RTN1: variants seen among roughly 807,000 people sequenced by gnomAD.
RTN1 encodes the protein reticulon-1.
A neutral mutation model predicts 65.5 loss-of-function variants in RTN1; 25 were observed. That is an observed-to-expected ratio of 0.38 (90% confidence interval 0.28 to 0.53). RTN1 has a LOEUF of 0.53. Ranked by LOEUF, RTN1 falls within the 20% of genes least tolerant of loss-of-function variation. The probability of loss-of-function intolerance (pLI) is 0.79; values close to 1 mark genes in which losing one functional copy is unlikely to be tolerated. For missense variants in RTN1, 983 were observed against 1,025.4 expected (o/e 0.96, Z 0.57); for synonymous variants, 471 against 447.6 (o/e 1.05, Z -0.66).
chr14:59,870,564 TG>T lies in RTN1; in HGVS notation c.66del (p.Arg23GlyfsTer11). ...TCGTTCTCCCCCTCCCCCCGGTGCC[TG>T]AGCCACTGGGACCCGGGGCCGGCCA... ...LPLAGPGSQW[L>X]RHRGEGENEA... On this transcript the variant is annotated frameshift_variant, in exon 1 of 9. Transcript: ENST00000267484. LOFTEE classifies it high-confidence loss of function. This position sits in a 1 kb window ranked among gnomAD's most constrained non-coding sequence, Gnocchi z 5.1. The T allele has an allele frequency of 6.9e-7, 1 of 1,456,390 alleles. No homozygotes were observed. Among genetic ancestry groups the T allele is most frequent in the Non-Finnish European group, 9.0e-7 (1 of 1,109,654 alleles). 90.2% of individuals were successfully genotyped at this position (1,456,390 alleles called of 1,614,324 possible). A position where few individuals can be genotyped will look rare whatever the true frequency, so the allele number is the denominator to read the frequency against.
intron 3 of RTN1, among the ~76,000 whole-genome samples, chr14:59,699,064 AT>A (rs1425505863): frequency 6.6e-6 from 1 of 152,102 alleles, no homozygotes; most frequent in Non-Finnish European, 1.5e-5. Flanking sequence ...GTTGTCATCT[AT>A]ATCAACAAAA....
chr14:59,790,282 G>GAC lies in RTN1; in HGVS notation c.242-43803_242-43802dup, dbSNP rs201182506. Among the ~76,000 whole-genome samples, 5 of 151,354 alleles carry GAC rather than the reference G, an allele frequency of 3.3e-5. No homozygotes were observed. In the South Asian group the frequency reaches 6.3e-4, roughly 19 times the overall value. On this transcript the variant is annotated intron_variant, in intron 1 of 8. Transcript: ENST00000267484. This position sits in a 1 kb window ranked among gnomAD's most constrained non-coding sequence, Gnocchi z 4.1. ...ATTATGTATGTCACACACACACACA[G>GAC]ACACACACACACACCTCTAGGAAAA...
In RTN1 at chr14:59,603,891, C is replaced by T. The variant is rs377004756; in HGVS notation, c.2143G>A (p.Val715Ile). Reference protein sequence around the residue: ...FAVLMWLLTYVGALFNGLTLL... With the variant: ...FAVLMWLLTYIGALFNGLTLL... ...GTCAGGCCATTGAAGAGAGCGCCAACGTAGGTCAGGAGCCACATCAGGACT... is the reference window on the plus strand; with the variant it reads ...GTCAGGCCATTGAAGAGAGCGCCAATGTAGGTCAGGAGCCACATCAGGACT... The change falls in exon 6 of 9, where the codon GTT (valine) becomes ATT (isoleucine). Residue 715 changes from valine (V) to isoleucine (I), a missense_variant. By Grantham distance (29) the Val-to-Ile change is conservative. Transcript: ENST00000267484. 56 of 1,611,844 alleles carry T rather than the reference C, an allele frequency of 3.5e-5. No homozygotes were observed. Among genetic ancestry groups the T allele is most frequent in the Non-Finnish European group, 4.4e-5 (52 of 1,178,466 alleles).
chr14:59,641,615 C>T (rs979956097), intron 3 of RTN1, among the ~76,000 whole-genome samples: 5 of 152,216 alleles, frequency 3.3e-5, no homozygotes, highest in African/African-American at 7.2e-5. Context: ...AGGTGATCCA[C>T]CCGCCTTGGC....
intron 3 of RTN1, among the ~76,000 whole-genome samples, chr14:59,699,813 C>T (rs1169853935): frequency 6.6e-6 from 1 of 152,124 alleles, no homozygotes; most frequent in East Asian, 1.9e-4. Context: ...CTCAAGCCAT[C>T]CAATCTTATT....
At chr14:59,606,939 A>C (rs1881778307) in intron 4 of RTN1, among the ~76,000 whole-genome samples, 1 of 152,198 alleles carries the variant, frequency 6.6e-6, no homozygotes, top group Non-Finnish European at 1.5e-5. Flanking sequence ...ATGTCATGTC[A>C]CTTCTCAGAA....
intron 3 of RTN1, among the ~76,000 whole-genome samples, chr14:59,661,719 C>T (rs1324352203): frequency 6.6e-6 from 1 of 152,146 alleles, no homozygotes; most frequent in Non-Finnish European, 1.5e-5. Context: ...ATGCTAAAAA[C>T]TCTCAATAAA....
chr14:59,598,684 A>T (rs2140155836), intron 8 of RTN1, among the ~76,000 whole-genome samples: 1 of 152,208 alleles, frequency 6.6e-6, no homozygotes, highest in Non-Finnish European at 1.5e-5. Context: ...TTATTGAGCA[A>T]CTCTAATCAT....
At chr14:59,847,075 AT>A (rs1325152386) in intron 1 of RTN1, among the ~76,000 whole-genome samples, 2 of 152,192 alleles carry the variant, frequency 1.3e-5, no homozygotes, top group Non-Finnish European at 2.9e-5. Flanking sequence ...CTAATTTCTC[AT>A]GCTTTAAAAC....
At chr14:59,712,150 G>GTTGA (rs1884436920) in intron 3 of RTN1, among the ~76,000 whole-genome samples, 4 of 152,146 alleles carry the variant, frequency 2.6e-5, no homozygotes, top group Non-Finnish European at 5.9e-5. Context: ...CTGTAGTATG[G>GTTGA]CCTAACAGAG....
At chr14:59,599,020 AAT>A (rs1219795414) in intron 8 of RTN1, among the ~76,000 whole-genome samples, 1 of 152,240 alleles carries the variant, frequency 6.6e-6, no homozygotes, top group Non-Finnish European at 1.5e-5. Flanking sequence ...TATGGAATAT[AAT>A]ATGACTGTTG....
intron 1 of RTN1, among the ~76,000 whole-genome samples, chr14:59,799,578 G>C (rs1282998990): frequency 1.3e-5 from 2 of 152,224 alleles, no homozygotes; most frequent in Non-Finnish European, 2.9e-5. Context: ...GTGGGCTAAT[G>C]CATAATTTTA....
Position 59,865,039 on chromosome 14 carries a change from AG to A in RTN1, c.241+5350del, listed in dbSNP as rs578124071. ...TTTTGCAGAGTTCCTAGACATAGGAAGGGCTACATACATGTTGGTAATTCAA... is the reference window on the plus strand; with the variant it reads ...TTTTGCAGAGTTCCTAGACATAGGAAGGCTACATACATGTTGGTAATTCAA... On this transcript the variant is annotated intron_variant, in intron 1 of 8. Transcript: ENST00000267484. Among the ~76,000 whole-genome samples the A allele has an allele frequency of 1.6e-4, 24 of 152,278 alleles. 1 individual carries two copies. The South Asian group carries it at 4.8e-3, about 30-fold the overall frequency.
At chr14:59,734,643 G>C (rs1336513670) in intron 2 of RTN1, among the ~76,000 whole-genome samples, 1 of 152,198 alleles carries the variant, frequency 6.6e-6, no homozygotes, top group African/African-American at 2.4e-5. Flanking sequence ...CTCAGACCTT[G>C]AAGAGTATCT....
chr14:59,651,712 T>G (rs1883023511), intron 3 of RTN1, among the ~76,000 whole-genome samples: 1 of 151,984 alleles, frequency 6.6e-6, no homozygotes, highest in Non-Finnish European at 1.5e-5. Flanking sequence ...TACTCCAGCC[T>G]GGGTGACAGA....
At position 59,611,672 on chromosome 14, in the gene RTN1, GTTCT is replaced by G. The variant is rs1207479825; in HGVS notation, c.1766-4184_1766-4181del. ...TTTGCAATTTGGGGGGTCTCAGTTG[GTTCT>G]TTCTAACTAGTATGAAGAGTCTTGG... On this transcript the variant is annotated intron_variant, in intron 3 of 8. Coordinates refer to ENST00000267484, the MANE Select transcript of RTN1 (RefSeq NM_021136.3). 3.3e-5 allele frequency among the ~76,000 whole-genome samples: 5 copies of G among 152,286 alleles called. No homozygotes were observed. In the South Asian group the frequency reaches 1.0e-3, roughly 32 times the overall value.
At chr14:59,666,275 G>A (rs184901078) in intron 3 of RTN1, among the ~76,000 whole-genome samples, 1 of 152,264 alleles carries the variant, frequency 6.6e-6, no homozygotes, top group Admixed American at 6.5e-5. Flanking sequence ...TACAACTCAG[G>A]ATTAAGAAAC....
Position 59,605,370 on chromosome 14 carries a change from T to C in RTN1, c.2110A>G (p.Lys704Glu). 6.2e-7 allele frequency: 1 copy of C among 1,613,786 alleles called. No homozygotes were observed. The highest frequency in any genetic ancestry group is 8.5e-7 in the Non-Finnish European group (1 of 1,179,838). ...GTGAACAGCTTAAGCAACTATACTTTTAAGGAATCCACCAGGTCCTGGACA... is the reference window on the plus strand; with the variant it reads ...GTGAACAGCTTAAGCAACTATACTTCTAAGGAATCCACCAGGTCCTGGACA... Reference protein sequence around the residue: ...FLVQDLVDSLKFAVLMWLLTY... With the variant: ...FLVQDLVDSLEFAVLMWLLTY... Residue 704 changes from lysine to glutamate, a missense_variant and splice_region_variant, in exon 5 of 9, where the codon AAA becomes GAA. This residue lies in a region of RTN1 where 165 missense variants were observed against 223.6 expected (regional missense o/e 0.74). Coordinates refer to ENST00000267484, the MANE Select transcript of RTN1 (RefSeq NM_021136.3).
chr14:59,597,223 G>C (rs1881429311), intron 8 of RTN1, among the ~76,000 whole-genome samples: 1 of 152,184 alleles, frequency 6.6e-6, no homozygotes, highest in Non-Finnish European at 1.5e-5. Flanking sequence ...TTGGACATAG[G>C]AAAAGGAACC....
Sources: gnomAD v4.1 joint callset for allele counts (sites outside exome capture counted in the v4.1 genomes callset) on GRCh38, gnomAD v4.1.1 for gene constraint, gnomAD v4.1.1 regional missense constraint, Gnocchi (gnomAD v3.1) non-coding constraint, MANE v1.5 for transcripts, NCBI Gene and HGNC (gene_info 2026-07-23, HGNC 2026-07-21) for gene names.